The following FAM13A variants were observed in gnomAD, a reference collection of about 807,000 sequenced individuals.
FAM13A encodes the protein family with sequence similarity 13 member A.
Under a neutral mutation model 129.6 loss-of-function variants are expected in FAM13A, and 76 were observed. That is an observed-to-expected ratio of 0.59 (90% CI 0.49 to 0.71). The LOEUF is 0.71. FAM13A is among the 30% of genes least tolerant of loss of function. FAM13A has a pLI of 0.00. For synonymous variants in FAM13A, 443 were observed against 449.9 expected, an observed-to-expected ratio of 0.98 and a Z score of 0.20; for missense variants, 1,108 against 1,249.3, an observed-to-expected ratio of 0.89 and a Z score of 1.70.
intron 7 of FAM13A, among the ~76,000 whole-genome samples, chr4:88,817,400 G>A (rs946472208): frequency 7.3e-5 from 11 of 151,494 alleles, no homozygotes; most frequent in African/African-American, 2.4e-4. Flanking sequence ...TCGTCTCTAC[G>A]AAAAATACAA....
chr4:88,962,807 A>G (rs897513191), intron 4 of FAM13A, among the ~76,000 whole-genome samples: 15 of 152,236 alleles, frequency 9.9e-5, no homozygotes, highest in Admixed American at 9.2e-4. Flanking sequence ...AATGTTCATT[A>G]AGAAAGAATT....
chr4:88,984,209 TA>T (rs1216460922), intron 4 of FAM13A, among the ~76,000 whole-genome samples: 1 of 152,120 alleles, frequency 6.6e-6, no homozygotes, highest in Non-Finnish European at 1.5e-5. Context: ...AGAAGATGAA[TA>T]AATCTTCATG....
At chr4:88,930,133 T>A (rs1752813879) in intron 5 of FAM13A, among the ~76,000 whole-genome samples, 1 of 152,320 alleles carries the variant, frequency 6.6e-6, no homozygotes, top group Non-Finnish European at 1.5e-5. Flanking sequence ...TTATCTTGCA[T>A]CTCATTGAGC....
chr4:89,055,581 A>C (rs973859281), intron 1 of FAM13A, among the ~76,000 whole-genome samples: 4 of 151,806 alleles, frequency 2.6e-5, no homozygotes, highest in African/African-American at 9.7e-5. Context: ...GATGACTACC[A>C]ATCTTCATGA....
chr4:88,819,304 T>C (rs1195667377), intron 7 of FAM13A, among the ~76,000 whole-genome samples: 1 of 152,182 alleles, frequency 6.6e-6, no homozygotes, highest in Non-Finnish European at 1.5e-5. Context: ...TCCACATCAA[T>C]CATCAGCACT....
chr4:89,047,863 C>A (rs1045371046), intron 1 of FAM13A, among the ~76,000 whole-genome samples: 1 of 152,040 alleles, frequency 6.6e-6, no homozygotes, highest in Non-Finnish European at 1.5e-5. Flanking sequence ...ACACATTTAG[C>A]CAAAGAAGAT....
intron 7 of FAM13A, among the ~76,000 whole-genome samples, chr4:88,849,065 G>A (rs1040789330): frequency 2.0e-5 from 3 of 152,122 alleles, no homozygotes; most frequent in Non-Finnish European, 4.4e-5. Context: ...ATTTTGAATT[G>A]TATTTTATGT....
chr4:88,747,387 T>C (rs113338742), intron 18 of FAM13A, among the ~76,000 whole-genome samples: 1,756 of 152,330 alleles, frequency 0.012, 32 homozygotes, highest in African/African-American at 0.04. Context: ...AAACCAGCTA[T>C]TAACCTAAAC....
At chr4:88,954,296 T>C (rs1757396885) in intron 4 of FAM13A, among the ~76,000 whole-genome samples, 1 of 152,236 alleles carries the variant, frequency 6.6e-6, no homozygotes, top group Admixed American at 6.5e-5. Context: ...CTCTGCTCTT[T>C]AAAGCAGCCC....
At chr4:88,985,599 A>C (rs11722033) in intron 4 of FAM13A, among the ~76,000 whole-genome samples, 56,245 of 151,882 alleles carry the variant, frequency 0.37, 10,450 homozygotes, top group Middle Eastern at 0.52. Flanking sequence ...TGCTGCTAAC[A>C]GACATGTAAC....
At chr4:88,740,793 G>C (rs534813189) in intron 19 of FAM13A, among the ~76,000 whole-genome samples, 1 of 152,314 alleles carries the variant, frequency 6.6e-6, no homozygotes, top group East Asian at 1.9e-4. Flanking sequence ...ATAAGATCAA[G>C]AAGAATAACA....
chr4:88,768,121 T>A lies in FAM13A; in HGVS notation c.1459-62A>T. On this transcript the variant is annotated intron_variant, in intron 11 of 23. Coordinates refer to ENST00000264344, the MANE Select transcript of FAM13A (RefSeq NM_014883.4). ...GGTAAGAAATATGCAACGCAGACCC[T>A]CCTTTCTTTAAAATAGAAAAATCAA... 3.5e-6 allele frequency: 3 copies of A among 865,080 alleles called. No homozygotes were observed. The East Asian group carries it at 7.3e-5, about 21-fold the overall frequency. 53.6% of individuals were successfully genotyped at this position (865,080 alleles called of 1,614,324 possible). A position where few individuals can be genotyped will look rare whatever the true frequency, so the allele number is the denominator to read the frequency against.
intron 6 of FAM13A, among the ~76,000 whole-genome samples, chr4:88,902,262 C>A (rs375792228): frequency 1.3e-5 from 2 of 152,090 alleles, no homozygotes; most frequent in Non-Finnish European, 2.9e-5. Context: ...TTGTATGAGG[C>A]CAGCATCATC....
chr4:88,991,458 T>A (rs891772441), intron 3 of FAM13A, among the ~76,000 whole-genome samples: 1 of 151,890 alleles, frequency 6.6e-6, no homozygotes, highest in African/African-American at 2.4e-5. Flanking sequence ...ATAATAATAA[T>A]AATAAAAAGA....
At chr4:88,870,312 G>A (rs1281081768) in intron 6 of FAM13A, among the ~76,000 whole-genome samples, 1 of 152,200 alleles carries the variant, frequency 6.6e-6, no homozygotes. Flanking sequence ...CGGAGGGCGA[G>A]CTGAAGCAGG....
chr4:88,737,614 T>C, intron 20 of FAM13A, 59 bp from the exon 21 acceptor site: 14 of 1,380,320 alleles, frequency 1.0e-5, no homozygotes, highest in Non-Finnish European at 1.4e-5. Flanking sequence ...TCCCTCCAGC[T>C]CTCGGCCTCC....
chr4:88,923,244 C>T (rs1350240570), intron 5 of FAM13A, among the ~76,000 whole-genome samples: 1 of 152,068 alleles, frequency 6.6e-6, no homozygotes, highest in Admixed American at 6.5e-5. Flanking sequence ...AGAGACACAA[C>T]AACAAAAAAG....
rs115192403 is a variant in FAM13A, at chr4:89,002,727, G to C, written c.428-11577C>G. ...AAGAATCACTTTATGTTTGAATAAAGACAAAAAGAAAACCCATAAACAGAT... is the reference window on the plus strand; with the variant it reads ...AAGAATCACTTTATGTTTGAATAAACACAAAAAGAAAACCCATAAACAGAT... On this transcript the variant is annotated intron_variant, in intron 3 of 23. Transcript: ENST00000264344. Among the ~76,000 whole-genome samples, 882 of 152,020 alleles carry C rather than the reference G, an allele frequency of 5.8e-3. 11 individuals carry two copies. Among genetic ancestry groups the C allele is most frequent in the African/African-American group, 0.02 (844 of 41,492 alleles).
chr4:88,893,242 T>C lies in FAM13A; in HGVS notation c.843+13137A>G, dbSNP rs187868418. Among the ~76,000 whole-genome samples, 8 of 152,348 alleles carry C rather than the reference T, an allele frequency of 5.3e-5. No homozygotes were observed. The East Asian group carries it at 1.3e-3, about 26-fold the overall frequency. On this transcript the variant is annotated intron_variant, in intron 6 of 23. Coordinates refer to ENST00000264344, the MANE Select transcript of FAM13A (RefSeq NM_014883.4). ...AAAACAGAGGTTTATTTTTTGGTCA[T>C]GACACAGATCCAAAACAGGTTGACA... is the stretch of plus-strand genomic sequence containing the variant.
Sources: gnomAD v4.1 joint callset for allele counts (sites outside exome capture counted in the v4.1 genomes callset) on GRCh38, gnomAD v4.1.1 for gene constraint, MANE v1.5 for transcripts, NCBI Gene and HGNC (gene_info 2026-07-23, HGNC 2026-07-21) for gene names.